Variants in RNF212B observed in about 807,000 individuals in gnomAD.
RNF212B encodes E3 ubiquitin-protein ligase RNF212B.
A neutral mutation model predicts 55.5 loss-of-function variants in RNF212B; 52 were observed. That is an observed-to-expected ratio of 0.94 (90% CI 0.75 to 1.18). The LOEUF is 1.18. RNF212B is among the 50% of genes most tolerant of loss of function. The probability of loss-of-function intolerance (pLI) is 0.00; values close to 1 mark genes in which losing one functional copy is unlikely to be tolerated. For synonymous variants in RNF212B, 99 were observed against 121.4 expected (o/e 0.82, Z 1.21); for missense variants, 289 against 350.4 (o/e 0.82, Z 1.40).
intron 2 of RNF212B, among the ~76,000 whole-genome samples, chr14:23,222,400 T>C (rs1366313217): frequency 6.6e-6 from 1 of 152,202 alleles, no homozygotes; most frequent in Non-Finnish European, 1.5e-5. Flanking sequence ...ATGGATAAAT[T>C]TTTAGACATA....
intron 2 of RNF212B, among the ~76,000 whole-genome samples, chr14:23,212,434 T>C (rs1880614341): frequency 6.6e-6 from 1 of 152,192 alleles, no homozygotes. Context: ...TCAAATGGAA[T>C]CTGTGAAAAA....
At chr14:23,239,156 C>T (rs1336426643) in intron 1 of RNF212B, among the ~76,000 whole-genome samples, 1 of 151,984 alleles carries the variant, frequency 6.6e-6, no homozygotes, top group African/African-American at 2.4e-5. Flanking sequence ...CTCCTGGGTT[C>T]AAGCAATTAT....
intron 1 of RNF212B, among the ~76,000 whole-genome samples, chr14:23,192,212 T>C (rs1050395339): frequency 1.3e-5 from 2 of 152,302 alleles, no homozygotes; most frequent in East Asian, 3.9e-4. Context: ...TTATAAATCA[T>C]GCTGCTATAA....
chr14:23,226,763 G>A (rs1482766505), intron 2 of RNF212B, among the ~76,000 whole-genome samples: 13 of 123,146 alleles, frequency 1.1e-4, no homozygotes, highest in African/African-American at 3.9e-4. Flanking sequence ...CTCCCCTCCC[G>A]TCTCCTCTCC....
At position 23,210,515 on chromosome 14, in the gene RNF212B, C is replaced by T. The variant is rs193201985; in HGVS notation, c.-2+17114C>T. On this transcript the variant is annotated intron_variant, in intron 2 of 15. Transcript: ENST00000399910. ...AGGATGGGGTGGGCGTGGTGGCTCA[C>T]GCCTATAATCCCAGAACTTTGGGAG... Among the ~76,000 whole-genome samples the T allele has an allele frequency of 6.6e-5, 10 of 152,210 alleles. No individual in the cohort carries two copies. In the South Asian group the frequency reaches 1.7e-3, roughly 25 times the overall value.
In RNF212B at chr14:23,264,191, A is replaced by T. The variant is rs886166553; in HGVS notation, c.542A>T (p.Glu181Val). 2 of 1,550,018 alleles carry T rather than the reference A, an allele frequency of 1.3e-6. No individual in the cohort carries two copies. Among genetic ancestry groups the T allele is most frequent in the African/African-American group, 2.7e-5 (2 of 73,020 alleles). ...TTATACAGTCGGTCCTCCTCAGCGG[A>T]ATCTATTCCTTATAGAGAGGCTGGC... ...SQVVSRSSSA[E>V]SIPYREAGFG... The change falls in exon 10 of 15, where the codon GAA becomes GTA. Residue 181 changes from glutamate to valine, a missense_variant. Transcript: ENST00000430154.
At chr14:23,207,055 G>A (rs778134000) in intron 2 of RNF212B, among the ~76,000 whole-genome samples, 8 of 152,062 alleles carry the variant, frequency 5.3e-5, no homozygotes, top group Non-Finnish European at 1.2e-4. Context: ...TTTAACCATT[G>A]AGCTGCTTAA....
chr14:23,211,701 G>C (rs1026023275), intron 2 of RNF212B, among the ~76,000 whole-genome samples: 7 of 152,106 alleles, frequency 4.6e-5, no homozygotes, highest in African/African-American at 1.4e-4. Context: ...ATTCACCATA[G>C]AGACACACTT....
At position 23,264,654 on chromosome 14, in the gene RNF212B, C is replaced by A; in HGVS notation, c.617C>A (p.Pro206His). The A allele has an allele frequency of 7.5e-7, 1 of 1,326,480 alleles. No individual in the cohort carries two copies. The highest frequency in any genetic ancestry group is 9.7e-7 in the Non-Finnish European group (1 of 1,030,492). The allele number at this position is 1,326,480 out of a possible 1,614,324, so 82.2% of individuals were successfully genotyped here. ...GGRGLQGRRTPRDSYNETPSP... is the reference protein window; with the variant it reads ...GGRGLQGRRTHRDSYNETPSP... ...AGAGGTCTGCAGGGAAGGAGAACTC[C>A]CAGAGACTCTTATAATGGTGAGGTG... Residue 206 changes from proline to histidine, a missense_variant, in exon 11 of 15, where the codon CCC (proline) becomes CAC (histidine). Physicochemically the swap from Pro to His is moderately conservative, Grantham distance 77. Transcript: ENST00000430154.
At chr14:23,263,583 T>G (rs567720645) in intron 9 of RNF212B, among the ~76,000 whole-genome samples, 1 of 152,248 alleles carries the variant, frequency 6.6e-6, no homozygotes, top group East Asian at 1.9e-4. Context: ...AACGAATTTG[T>G]TTTTTCATAC....
intron 6 of RNF212B, 79 bp from the exon 7 acceptor site, chr14:23,260,579 AT>A: frequency 7.4e-7 from 1 of 1,344,310 alleles, no homozygotes; most frequent in Non-Finnish European, 1.0e-6. Flanking sequence ...GAGCTTAGTT[AT>A]CTCGCAAGTA....
At chr14:23,206,974 C>T (rs1325348409) in intron 2 of RNF212B, among the ~76,000 whole-genome samples, 2 of 150,860 alleles carry the variant, frequency 1.3e-5, no homozygotes. Flanking sequence ...AACATGAAGG[C>T]CTTTCAAATA....
At chr14:23,222,119 A>G (rs951440827) in intron 2 of RNF212B, among the ~76,000 whole-genome samples, 4 of 152,126 alleles carry the variant, frequency 2.6e-5, no homozygotes, top group Non-Finnish European at 5.9e-5. Context: ...ATTAGGAGAA[A>G]AAAAGCAAAA....
rs1236262743 is a variant in RNF212B at position 23,193,792 on chromosome 14, G to A, written c.-2+391G>A. Among the ~76,000 whole-genome samples, 4 of 151,860 alleles carry A rather than the reference G, an allele frequency of 2.6e-5. No homozygotes were observed. The East Asian group carries it at 7.7e-4, about 29-fold the overall frequency. ...AGAATGGAAAGAGAAGAAGAGTGGG[G>A]GTAGTTATTAGAAGTTTTGTAGTAC... On this transcript the variant is annotated intron_variant, in intron 2 of 15. Transcript: ENST00000399910.
At position 23,263,091 on chromosome 14, in the gene RNF212B, G is replaced by A. The variant is rs1039506286; in HGVS notation, c.524+121G>A. The stretch of plus-strand genomic sequence containing the variant: ...GTCTATGTAGAAGTTTAAAGCTAGG[G>A]TTTTTTTTTTTCCCTAAGCCAAACT... On this transcript the variant is annotated intron_variant, in intron 9 of 14. Transcript: ENST00000430154. 8 of 701,274 alleles carry A rather than the reference G, an allele frequency of 1.1e-5. No individual in the cohort carries two copies. In the African/African-American group the frequency reaches 1.5e-4, roughly 13 times the overall value. 43.4% of individuals were successfully genotyped at this position (701,274 alleles called of 1,614,324 possible). A position where few individuals can be genotyped will look rare whatever the true frequency, so the allele number is the denominator to read the frequency against.
At chr14:23,253,940 G>A (rs570618325) in intron 4 of RNF212B, among the ~76,000 whole-genome samples, 16 of 152,080 alleles carry the variant, frequency 1.1e-4, no homozygotes, top group South Asian at 2.1e-4. Flanking sequence ...ATTAAATTGC[G>A]TGCAAAAATA....
chr14:23,254,322 A>C (rs957940624), intron 4 of RNF212B, among the ~76,000 whole-genome samples: 1 of 143,626 alleles, frequency 7.0e-6, no homozygotes, highest in East Asian at 2.1e-4. Flanking sequence ...CAAAACAAAA[A>C]AACAAAAACA....
At chr14:23,266,270 G>A (rs1466987547) in intron 11 of RNF212B, among the ~76,000 whole-genome samples, 1 of 151,830 alleles carries the variant, frequency 6.6e-6, no homozygotes, top group Non-Finnish European at 1.5e-5. Flanking sequence ...ATTTTCTAAT[G>A]TCCTTTGTGA....
intron 3 of RNF212B, among the ~76,000 whole-genome samples, chr14:23,243,594 G>T (rs1016336176): frequency 1.3e-5 from 2 of 150,708 alleles, no homozygotes; most frequent in African/African-American, 4.9e-5. Context: ...AGCTTGGGAG[G>T]CTGAGGCACG....
Sources: allele counts gnomAD v4.1 joint callset (sites outside exome capture counted in the v4.1 genomes callset), GRCh38; gene constraint gnomAD v4.1.1; transcripts MANE v1.5; gene names NCBI Gene and HGNC (gene_info 2026-07-23, HGNC 2026-07-21).